The following KIF26A variants were observed in gnomAD, a reference collection of about 807,000 sequenced individuals.
The protein encoded by KIF26A is kinesin family member 26A, also known as kinesin-like protein KIF26A.
Under a neutral mutation model 126.0 loss-of-function variants are expected in KIF26A, and 74 were observed. That is an observed-to-expected ratio of 0.59 (90% CI 0.49 to 0.71). KIF26A has a LOEUF of 0.71. KIF26A is among the 30% of genes least tolerant of loss of function. KIF26A has a pLI of 0.00. For synonymous variants in KIF26A, 1,445 were observed against 1,232.7 expected, an observed-to-expected ratio of 1.17 and a Z score of -3.61; for missense variants, 2,984 against 2,763.3, an observed-to-expected ratio of 1.08 and a Z score of -1.79.
intron 4 of KIF26A, among the ~76,000 whole-genome samples, chr14:104,159,965 C>T (rs557710100): frequency 6.6e-6 from 1 of 152,232 alleles, no homozygotes; most frequent in South Asian, 2.1e-4. Context: ...AGTGGAGCTT[C>T]AGCCCCCGCC....
intron 4 of KIF26A, among the ~76,000 whole-genome samples, chr14:104,160,337 A>AG (rs911349086): frequency 1.3e-4 from 20 of 152,090 alleles, no homozygotes; most frequent in Non-Finnish European, 2.5e-4. Flanking sequence ...CAGCCGGATT[A>AG]GGGCACCAGC....
chr14:104,161,330 C>T lies in KIF26A; in HGVS notation c.923+3388C>T, dbSNP rs183975323. Reference sequence around the variant, plus strand: ...GGTGGGGGTAGGGAGGGTGGGGCTCCGTCCACCAGCCTCGCACGGCCCAGT... The same window carrying T: ...GGTGGGGGTAGGGAGGGTGGGGCTCTGTCCACCAGCCTCGCACGGCCCAGT... On this transcript the variant is annotated intron_variant, in intron 4 of 14. Transcript: ENST00000423312. 5.4e-3 allele frequency among the ~76,000 whole-genome samples: 824 copies of T among 152,136 alleles called. 4 individuals carry two copies. Among genetic ancestry groups the T allele is most frequent in the Non-Finnish European group, 8.2e-3 (556 of 67,954 alleles).
chr14:104,143,249 T>C (rs759100955), intron 2 of KIF26A, among the ~76,000 whole-genome samples: 1 of 152,126 alleles, frequency 6.6e-6, no homozygotes, highest in Non-Finnish European at 1.5e-5. Context: ...AGCTGAACAG[T>C]GAGGGAAGCT....
chr14:104,161,278 G>A (rs561499165), intron 4 of KIF26A, among the ~76,000 whole-genome samples: 4 of 151,704 alleles, frequency 2.6e-5, no homozygotes, highest in Non-Finnish European at 5.9e-5. Context: ...GGGCAGGTCC[G>A]GCAGGTGGCA....
intron 4 of KIF26A, among the ~76,000 whole-genome samples, chr14:104,165,221 TTC>T (rs371455410): frequency 0.03 from 4,441 of 147,886 alleles, 199 homozygotes; most frequent in African/African-American, 0.1. Flanking sequence ...CTGCATGTGT[TTC>T]TGTGTGCATG....
intron 11 of KIF26A, 130 bp from the exon 12 acceptor site, chr14:104,174,852 A>G (rs2037998619): frequency 6.4e-6 from 6 of 939,758 alleles, no homozygotes; most frequent in African/African-American, 5.0e-5. Flanking sequence ...TTGGTGGGAC[A>G]TGGTTGGTGG....
intron 5 of KIF26A, among the ~76,000 whole-genome samples, chr14:104,168,672 A>T (rs1262031378): frequency 2.6e-5 from 4 of 152,146 alleles, no homozygotes; most frequent in Non-Finnish European, 5.9e-5. Flanking sequence ...GTTTGAATGG[A>T]TCGCTTGTCC....
Position 104,175,351 on chromosome 14 carries a change from G to A in KIF26A, c.2563G>A (p.Glu855Lys), listed in dbSNP as rs369714040. The part of the protein sequence containing the change: ...QERLECMDGN[E>K]GPSGGPGGTD... ...GCGGCTGGAATGCATGGACGGCAACGAGGGTCCCTCAGGAGGTCCAGGTGG... is the reference window on the plus strand; with the variant it reads ...GCGGCTGGAATGCATGGACGGCAACAAGGGTCCCTCAGGAGGTCCAGGTGG... Residue 855 changes from glutamate (E) to lysine (K), a missense_variant, in exon 12 of 15, where the codon GAG (glutamate) becomes AAG (lysine). Physicochemically the swap from Glu to Lys is moderately conservative, Grantham distance 56 (BLOSUM62 1). Coordinates refer to ENST00000423312, the MANE Select transcript of KIF26A (RefSeq NM_015656.2). The A allele has an allele frequency of 1.5e-4, 240 of 1,602,768 alleles. No individual in the cohort carries two copies. The highest frequency in any genetic ancestry group is 5.0e-4 in the Middle Eastern group (3 of 6,054).
intron 2 of KIF26A, among the ~76,000 whole-genome samples, chr14:104,145,186 C>T (rs2037669479): frequency 1.3e-5 from 2 of 152,252 alleles, no homozygotes; most frequent in South Asian, 2.1e-4. Flanking sequence ...CCTTGGGCTG[C>T]GTCGTCACTG....
Position 104,157,621 on chromosome 14 carries a change from C to T in KIF26A, c.736-134C>T. 5.1e-6 allele frequency: 5 copies of T among 978,028 alleles called. No individual in the cohort carries two copies. In the South Asian group the frequency reaches 7.4e-5, roughly 14 times the overall value. 60.6% of individuals were successfully genotyped at this position (978,028 alleles called of 1,614,324 possible). On this transcript the variant is annotated intron_variant, in intron 3 of 14. Coordinates refer to ENST00000423312, the MANE Select transcript of KIF26A (RefSeq NM_015656.2). Reference sequence around the variant, plus strand: ...GGCCTTCCCGGCTTCACAGGCTGGGCCCTGGGGGTGCAGAGCCCCCAGGAA... The same window carrying T: ...GGCCTTCCCGGCTTCACAGGCTGGGTCCTGGGGGTGCAGAGCCCCCAGGAA...
At chr14:104,145,394 C>A (rs2037671510) in intron 2 of KIF26A, among the ~76,000 whole-genome samples, 1 of 152,224 alleles carries the variant, frequency 6.6e-6, no homozygotes, top group African/African-American at 2.4e-5. Context: ...TGTCCCCGAC[C>A]CCAGCAGCAT....
At chr14:104,145,492 G>A (rs1458504149) in intron 2 of KIF26A, among the ~76,000 whole-genome samples, 3 of 152,194 alleles carry the variant, frequency 2.0e-5, no homozygotes, top group Admixed American at 6.5e-5. Context: ...CGCCTGGCCC[G>A]GCGCCAGGTC....
chr14:104,153,254 G>A (rs950213390), intron 3 of KIF26A, among the ~76,000 whole-genome samples: 2 of 152,124 alleles, frequency 1.3e-5, no homozygotes, highest in African/African-American at 2.4e-5. Flanking sequence ...TGCCCTGGCA[G>A]TGGCTGCTGG....
intron 4 of KIF26A, among the ~76,000 whole-genome samples, chr14:104,159,573 G>C (rs1040046903): frequency 6.6e-6 from 1 of 152,228 alleles, no homozygotes; most frequent in Admixed American, 6.5e-5. Flanking sequence ...GGCCGGTGCC[G>C]CTTGCCAGCC....
chr14:104,174,782 A>G (rs970148777), intron 11 of KIF26A, among the ~76,000 whole-genome samples, 200 bp from the exon 12 acceptor site: 6 of 152,110 alleles, frequency 3.9e-5, no homozygotes, highest in African/African-American at 1.4e-4. Flanking sequence ...TTTTCCTTGT[A>G]AAGTTGCTAA....
intron 10 of KIF26A, 127 bp downstream of exon 10, chr14:104,173,995 C>A (rs757156036): frequency 1.1e-4 from 152 of 1,401,340 alleles, no homozygotes; most frequent in Non-Finnish European, 1.4e-4. Flanking sequence ...CACCACCTGA[C>A]AGGCCTCGCT....
intron 5 of KIF26A, 136 bp downstream of exon 5, chr14:104,167,184 G>A: frequency 1.1e-6 from 1 of 941,750 alleles, no homozygotes; most frequent in Non-Finnish European, 1.5e-6. Flanking sequence ...GGGTGCCATG[G>A]GGAGACTGAG....
In KIF26A at chr14:104,148,639, C is replaced by T. The variant is rs942906584; in HGVS notation, c.289-3376C>T. ...ACAGAGCAGGATTTGTTGTTGTTGGCGGTGGGGGCTGTGCGTGGCCGGGGA... is the reference window on the plus strand; with the variant it reads ...ACAGAGCAGGATTTGTTGTTGTTGGTGGTGGGGGCTGTGCGTGGCCGGGGA... On this transcript the variant is annotated intron_variant, in intron 2 of 14. Transcript: ENST00000423312. The surrounding 1 kb of genome is among the most constrained non-coding windows in gnomAD (Gnocchi z 4.3). Among the ~76,000 whole-genome samples the T allele has an allele frequency of 1.3e-4, 2 of 15,522 alleles. No individual in the cohort carries two copies. Among genetic ancestry groups the T allele is most frequent in the East Asian group, 4.0e-3 (2 of 494 alleles). 10.2% of individuals were successfully genotyped at this position (15,522 alleles called of 152,430 possible).
At chr14:104,141,184 G>T (rs1324420616) in intron 2 of KIF26A, among the ~76,000 whole-genome samples, 1 of 152,196 alleles carries the variant, frequency 6.6e-6, no homozygotes, top group Non-Finnish European at 1.5e-5. Flanking sequence ...TGTTTGGGTT[G>T]GGAGGGAAAT....
Sources: allele counts gnomAD v4.1 joint callset (sites outside exome capture counted in the v4.1 genomes callset), GRCh38; gene constraint gnomAD v4.1.1; non-coding constraint Gnocchi (gnomAD v3.1); transcripts MANE v1.5; gene names NCBI Gene and HGNC (gene_info 2026-07-23, HGNC 2026-07-21).